Variants in SDK1 observed in about 807,000 individuals in gnomAD.
SDK1 encodes sidekick cell adhesion molecule 1, also known as protein sidekick-1.
A neutral mutation model predicts 245.5 loss-of-function variants in SDK1; 157 were observed. That is an observed-to-expected ratio of 0.64 (90% confidence interval 0.56 to 0.73). The LOEUF (loss-of-function observed/expected upper bound fraction) is 0.73, where lower values mean the gene tolerates loss of function less well. SDK1 is among the 30% of genes least tolerant of loss of function. The pLI is 0.00. For synonymous variants in SDK1, 1,647 were observed against 1,278.5 expected (o/e 1.29, Z -6.15); for missense variants, 3,583 against 3,002.3 (o/e 1.19, Z -4.52).
In SDK1 at chr7:3,784,039, C is replaced by T. The variant is rs10259840; in HGVS notation, c.714-37411C>T. 4.8e-3 allele frequency among the ~76,000 whole-genome samples: 732 copies of T among 151,820 alleles called. 7 individuals are homozygous for T. The highest frequency in any genetic ancestry group is 0.017 in the African/African-American group (704 of 41,308). ...CAGACTAGAGACCCCAGAAATGAAC[C>T]CATGCATATGATTTAAATTTATTTT... On this transcript the variant is annotated intron_variant, in intron 4 of 44. Transcript: ENST00000404826.
intron 9 of SDK1, among the ~76,000 whole-genome samples, chr7:3,966,349 C>T (rs1338285447): frequency 6.6e-6 from 1 of 152,100 alleles, no homozygotes; most frequent in South Asian, 2.1e-4. Context: ...GGTATCAGCC[C>T]AGGGACCCTC....
chr7:3,333,435 CTA>C (rs912079508), intron 1 of SDK1, among the ~76,000 whole-genome samples: 4 of 152,128 alleles, frequency 2.6e-5, no homozygotes, highest in African/African-American at 9.7e-5. Context: ...TTGACTGTGA[CTA>C]TGGAATGCTT....
At chr7:3,572,898 A>G (rs143399305) in intron 1 of SDK1, among the ~76,000 whole-genome samples, 11 of 152,190 alleles carry the variant, frequency 7.2e-5, no homozygotes, top group African/African-American at 2.4e-4. Flanking sequence ...TTCCATTGGA[A>G]GACATGTTTC....
rs556327313 is a variant in SDK1, at chr7:3,697,136, G to C, written c.713+55031G>C. On this transcript the variant is annotated intron_variant, in intron 4 of 44. Coordinates refer to ENST00000404826, the MANE Select transcript of SDK1 (RefSeq NM_152744.4). ...AATTCTTACAGTAAAAGTAGGGGAAGTGAATGAAGTGAACATCAATGATCC... is the reference window on the plus strand; with the variant it reads ...AATTCTTACAGTAAAAGTAGGGGAACTGAATGAAGTGAACATCAATGATCC... 3.1e-4 allele frequency among the ~76,000 whole-genome samples: 47 copies of C among 152,310 alleles called. 1 individual carries two copies. The highest frequency in any genetic ancestry group is 1.1e-3 in the African/African-American group (47 of 41,556).
intron 36 of SDK1, among the ~76,000 whole-genome samples, chr7:4,206,281 C>T (rs1033077505): frequency 7.9e-5 from 12 of 152,342 alleles, no homozygotes; most frequent in Middle Eastern, 6.8e-3. Flanking sequence ...CCACTCTGGA[C>T]GCATGGCCTG....
At chr7:3,695,404 C>T (rs1272882540) in intron 4 of SDK1, among the ~76,000 whole-genome samples, 2 of 152,176 alleles carry the variant, frequency 1.3e-5, no homozygotes, top group Middle Eastern at 3.2e-3. Context: ...ATCCTGTTTT[C>T]TATAGGCACC....
At chr7:4,206,462 C>T (rs1244803428) in intron 36 of SDK1, among the ~76,000 whole-genome samples, 1 of 152,184 alleles carries the variant, frequency 6.6e-6, no homozygotes, top group Non-Finnish European at 1.5e-5. Flanking sequence ...AGGGTGGGGC[C>T]CGCCAGTCTC....
intron 35 of SDK1, among the ~76,000 whole-genome samples, chr7:4,183,167 G>C (rs558607614): frequency 6.6e-6 from 1 of 152,172 alleles, no homozygotes; most frequent in Non-Finnish European, 1.5e-5. Flanking sequence ...GCCGTGAGTC[G>C]TGAGTCATGA....
At chr7:3,573,577 C>T (rs918768886) in intron 1 of SDK1, among the ~76,000 whole-genome samples, 1 of 152,036 alleles carries the variant, frequency 6.6e-6, no homozygotes, top group South Asian at 2.1e-4. Context: ...CTCAGTCACA[C>T]CCAGCACCTG....
intron 1 of SDK1, among the ~76,000 whole-genome samples, chr7:3,451,476 C>T (rs1381282118): frequency 2.6e-5 from 4 of 152,104 alleles, no homozygotes; most frequent in Admixed American, 2.6e-4. Flanking sequence ...GGGAAGGGAG[C>T]TGCCTTGCAC....
At chr7:3,483,256 A>C (rs912635312) in intron 1 of SDK1, among the ~76,000 whole-genome samples, 3 of 152,220 alleles carry the variant, frequency 2.0e-5, no homozygotes, top group Non-Finnish European at 2.9e-5. Flanking sequence ...TAGTTTATTC[A>C]GGCTTCTTTT....
chr7:3,505,907 T>C (rs1014867542), intron 1 of SDK1, among the ~76,000 whole-genome samples: 1 of 152,246 alleles, frequency 6.6e-6, no homozygotes, highest in Non-Finnish European at 1.5e-5. Flanking sequence ...TATTTCTTCC[T>C]TCCTGCCCCT....
intron 1 of SDK1, among the ~76,000 whole-genome samples, chr7:3,537,795 C>A (rs1778929754): frequency 6.6e-6 from 1 of 152,146 alleles, no homozygotes; most frequent in African/African-American, 2.4e-5. Flanking sequence ...GACTGTATTC[C>A]TCTTCTGCCT....
chr7:4,236,594 G>C (rs73674252), intron 41 of SDK1, among the ~76,000 whole-genome samples: 3,873 of 152,160 alleles, frequency 0.025, 147 homozygotes, highest in African/African-American at 0.087. Context: ...TAGACGTGCA[G>C]ACGGCAGGTC....
At chr7:4,113,565 A>C in intron 24 of SDK1, 126 bp downstream of exon 24, 1 of 1,115,932 alleles carries the variant, frequency 9.0e-7, no homozygotes, top group Non-Finnish European at 1.3e-6. Context: ...TCTCATCGTC[A>C]AACCAAAAAG....
chr7:4,101,630 A>G (rs1782553609), intron 22 of SDK1, among the ~76,000 whole-genome samples: 1 of 152,190 alleles, frequency 6.6e-6, no homozygotes, highest in Non-Finnish European at 1.5e-5. Context: ...ATGACAGAGG[A>G]CGATGGTGTC....
intron 4 of SDK1, among the ~76,000 whole-genome samples, chr7:3,727,457 G>C (rs992063076): frequency 6.6e-6 from 1 of 152,130 alleles, no homozygotes; most frequent in Non-Finnish European, 1.5e-5. Flanking sequence ...CTATAAGGCT[G>C]GTTCTGCTCT....
chr7:4,005,402 G>GTA (rs1332482079), intron 14 of SDK1, among the ~76,000 whole-genome samples: 2 of 107,528 alleles, frequency 1.9e-5, no homozygotes, highest in African/African-American at 3.2e-5. Flanking sequence ...GAGTGTGTGT[G>GTA]TGTGTGTGTG....
chr7:3,890,247 G>C (rs2128101523), intron 5 of SDK1, among the ~76,000 whole-genome samples: 1 of 152,312 alleles, frequency 6.6e-6, no homozygotes, highest in East Asian at 1.9e-4. Flanking sequence ...GCACTGCATG[G>C]TAGGCGCTAG....
Sources: allele counts gnomAD v4.1 joint callset (sites outside exome capture counted in the v4.1 genomes callset), GRCh38; gene constraint gnomAD v4.1.1; transcripts MANE v1.5; gene names NCBI Gene and HGNC (gene_info 2026-07-23, HGNC 2026-07-21).